The following SAMD15 variants were observed in gnomAD, a reference collection of about 807,000 sequenced individuals.
SAMD15 encodes the protein sterile alpha motif domain-containing protein 15.
Under a neutral mutation model 50.5 loss-of-function variants are expected in SAMD15, and 37 were observed. The observed-to-expected ratio is 0.73, with a 90% CI of 0.56 to 0.96. The LOEUF is 0.96. Ranked by LOEUF, SAMD15 falls within the 40% of genes least tolerant of loss-of-function variation. The probability of loss-of-function intolerance (pLI) is 0.00; values close to 1 mark genes in which losing one functional copy is unlikely to be tolerated. For synonymous variants in SAMD15, 255 were observed against 282.8 expected (o/e 0.90, Z 0.99); for missense variants, 789 against 783.8 (o/e 1.01, Z -0.08).
At chr14:77,385,847 A>AT (rs370327770) in intron 2 of SAMD15, among the ~76,000 whole-genome samples, 3,809 of 131,008 alleles carry the variant, frequency 0.029, 95 homozygotes, top group Middle Eastern at 0.051. Context: ...AACATCCTGG[A>AT]TTTTTTTTTT....
In SAMD15 at chr14:77,380,488, T is replaced by G. The variant is rs1893932021; in HGVS notation, c.1788+7T>G. The stretch of plus-strand genomic sequence containing the variant: ...AAACTTTGAGGACATGAAGGTGAGT[T>G]GTGTCCAAAGTTTCCCTACAGAGCA... On this transcript the variant is annotated splice_region_variant and intron_variant, in intron 2 of 2. Transcript: ENST00000216471. 1 of 1,597,588 alleles carries G rather than the reference T, an allele frequency of 6.3e-7. No individual in the cohort carries two copies. The highest frequency in any genetic ancestry group is 1.7e-5 in the Admixed American group (1 of 59,974).
At chr14:77,380,690 T>C (rs1893934212) in intron 2 of SAMD15, among the ~76,000 whole-genome samples, 1 of 152,140 alleles carries the variant, frequency 6.6e-6, no homozygotes. Context: ...CTGTGGCACT[T>C]ACACCGTCTG....
Position 77,378,711 on chromosome 14 carries a change from GT to G in SAMD15, c.1294del (p.Tyr432IlefsTer3). 6.2e-7 allele frequency: 1 copy of G among 1,613,850 alleles called. No individual in the cohort carries two copies. Among genetic ancestry groups the G allele is most frequent in the Non-Finnish European group, 8.5e-7 (1 of 1,179,976 alleles). On this transcript the variant is annotated frameshift_variant, in exon 1 of 3. Coordinates refer to ENST00000216471, the MANE Select transcript of SAMD15 (RefSeq NM_001010860.4). LOFTEE classifies it high-confidence loss of function. ...ACAGGCCAGAACCAATAAAGTCTAAGTATTCTGTAGGAAACGATGAGCTAGA... is the reference window on the plus strand; with the variant it reads ...ACAGGCCAGAACCAATAAAGTCTAAGATTCTGTAGGAAACGATGAGCTAGA... ...EDRPEPIKSK[Y>X]SVGNDELEHR...
intron 2 of SAMD15, among the ~76,000 whole-genome samples, chr14:77,389,270 A>G (rs1352237764): frequency 2.0e-5 from 3 of 152,038 alleles, no homozygotes; most frequent in Non-Finnish European, 4.4e-5. Flanking sequence ...GCAGTTTTAT[A>G]TCAGGTTTAG....
chr14:77,382,561 A>C (rs970926459), intron 2 of SAMD15, among the ~76,000 whole-genome samples: 2 of 151,878 alleles, frequency 1.3e-5, no homozygotes, highest in South Asian at 4.1e-4. Context: ...CGCCCGACTT[A>C]TATTCAGATA....
intron 2 of SAMD15, among the ~76,000 whole-genome samples, chr14:77,381,836 A>G (rs1265795567): frequency 6.6e-6 from 1 of 152,202 alleles, no homozygotes; most frequent in Non-Finnish European, 1.5e-5. Context: ...GGCCTCTTAT[A>G]TGTATTATTT....
chr14:77,384,047 A>G (rs993384631), intron 2 of SAMD15, among the ~76,000 whole-genome samples: 9 of 151,832 alleles, frequency 5.9e-5, no homozygotes, highest in Admixed American at 5.9e-4. Context: ...AGGAGGTCAT[A>G]CATGCTGTAG....
At position 77,377,412 on chromosome 14, in the gene SAMD15, G is replaced by A. The variant is rs774720669; in HGVS notation, c.-7G>A. 6.9e-6 allele frequency: 11 copies of A among 1,595,576 alleles called. No individual in the cohort carries two copies. Among genetic ancestry groups the A allele is most frequent in the East Asian group, 4.5e-5 (2 of 44,672 alleles). On this transcript the variant is annotated 5_prime_UTR_variant, in exon 1 of 3. Transcript: ENST00000216471. ...TAGGAAGCCGCGGCGCGTCTGCTAAGCTGCAAATGGCTGAAGTCCCGGAGG... is the reference window on the plus strand; with the variant it reads ...TAGGAAGCCGCGGCGCGTCTGCTAAACTGCAAATGGCTGAAGTCCCGGAGG...
intron 2 of SAMD15, among the ~76,000 whole-genome samples, chr14:77,383,039 A>G (rs945406101): frequency 1.7e-4 from 26 of 152,152 alleles, no homozygotes; most frequent in Non-Finnish European, 3.5e-4. Context: ...TTGTATTTCC[A>G]ACCATGCCCT....
intron 2 of SAMD15, among the ~76,000 whole-genome samples, chr14:77,387,887 C>CAA (rs35133473): frequency 6.7e-6 from 1 of 150,052 alleles, no homozygotes; most frequent in Non-Finnish European, 1.5e-5. Flanking sequence ...CCATCTCTAC[C>CAA]AAAAAAAAAG....
In SAMD15 at chr14:77,377,646, GCTGAAAC is replaced by G; in HGVS notation, c.232_238del (p.Lys78AlafsTer28). 6.2e-7 allele frequency: 1 copy of G among 1,614,198 alleles called. No individual in the cohort carries two copies. On this transcript the variant is annotated frameshift_variant, in exon 1 of 3. Transcript: ENST00000216471. LOFTEE classifies it high-confidence loss of function. ...AGCCAGACAGTGCTAAGAACGTGCA[GCTGAAAC>G]CTGGCGGGACGTCCCAGGAAGGAAT...
intron 2 of SAMD15, among the ~76,000 whole-genome samples, chr14:77,388,519 G>T (rs1894033347): frequency 6.6e-6 from 1 of 151,568 alleles, no homozygotes; most frequent in Non-Finnish European, 1.5e-5. Context: ...GGGCTCAAAA[G>T]ATCCTCCTAC....
chr14:77,391,341 T>A lies in SAMD15; in HGVS notation c.*97T>A. 1 of 819,176 alleles carries A rather than the reference T, an allele frequency of 1.2e-6. No homozygotes were observed. 50.7% of individuals were successfully genotyped at this position (819,176 alleles called of 1,614,324 possible). A position where few individuals can be genotyped will look rare whatever the true frequency, so the allele number is the denominator to read the frequency against. On this transcript the variant is annotated 3_prime_UTR_variant, in exon 3 of 3. Coordinates refer to ENST00000216471, the MANE Select transcript of SAMD15 (RefSeq NM_001010860.4). ...TTTTCTTTTTCTCCTTTTTTTTTTTTTTATTTTTTTGAGACAGAGTCTTGC... is the reference window on the plus strand; with the variant it reads ...TTTTCTTTTTCTCCTTTTTTTTTTTATTATTTTTTTGAGACAGAGTCTTGC...
intron 2 of SAMD15, among the ~76,000 whole-genome samples, chr14:77,382,355 C>T (rs146558043): frequency 1.2e-3 from 189 of 152,138 alleles, no homozygotes; most frequent in African/African-American, 4.3e-3. Context: ...GATTTCTTGA[C>T]CTCGTGCTCT....
chr14:77,379,234 G>A, intron 1 of SAMD15, 127 bp downstream of exon 1: 1 of 863,860 alleles, frequency 1.2e-6, no homozygotes, highest in Non-Finnish European at 1.8e-6. Flanking sequence ...CTGTGGTAGA[G>A]GTAACTTGGA....
In SAMD15 at chr14:77,389,560, G is replaced by A. The variant is rs184576555; in HGVS notation, c.1789-1448G>A. Among the ~76,000 whole-genome samples, 5 of 148,066 alleles carry A rather than the reference G, an allele frequency of 3.4e-5. No individual in the cohort carries two copies. In the East Asian group the frequency reaches 7.8e-4, roughly 23 times the overall value. ...CTGTCACCTAGGCGGGAGTAGAGTG[G>A]TGCGATCTCGGCTCACTGCAGCCTC... On this transcript the variant is annotated intron_variant, in intron 2 of 2. Transcript: ENST00000216471.
intron 2 of SAMD15, among the ~76,000 whole-genome samples, chr14:77,384,695 C>G (rs1893984643): frequency 6.6e-6 from 1 of 152,052 alleles, no homozygotes; most frequent in South Asian, 2.1e-4. Context: ...CTAAGGAGCC[C>G]TGGTTGATTT....
intron 2 of SAMD15, among the ~76,000 whole-genome samples, chr14:77,382,149 G>T (rs71413461): frequency 6.7e-6 from 1 of 148,700 alleles, no homozygotes; most frequent in African/African-American, 2.5e-5. Flanking sequence ...TTTTGAGACC[G>T]AGTCTCACTC....
intron 1 of SAMD15, 57 bp from the exon 2 acceptor site, chr14:77,380,326 C>T: frequency 9.3e-7 from 1 of 1,071,110 alleles, no homozygotes; most frequent in South Asian, 1.3e-5. Context: ...CCTTCCCTCC[C>T]TTTCTTCCTT....
Sources: allele counts gnomAD v4.1 joint callset (sites outside exome capture counted in the v4.1 genomes callset), GRCh38; gene constraint gnomAD v4.1.1; transcripts MANE v1.5; gene names NCBI Gene and HGNC (gene_info 2026-07-23, HGNC 2026-07-21).